The following ITGA2 variants were observed in gnomAD, a reference collection of about 807,000 sequenced individuals.
ITGA2 encodes integrin subunit alpha 2, also known as integrin alpha-2.
Under a neutral mutation model 146.3 loss-of-function variants are expected in ITGA2, and 101 were observed. That is an observed-to-expected ratio of 0.69 (90% CI 0.59 to 0.81). The LOEUF (loss-of-function observed/expected upper bound fraction) is 0.81, where lower values mean the gene tolerates loss of function less well. ITGA2 is among the 40% of genes least tolerant of loss of function. The pLI is 0.00. For synonymous variants in ITGA2, 477 were observed against 487.1 expected (o/e 0.98, Z 0.27); for missense variants, 1,281 against 1,402.7 (o/e 0.91, Z 1.39).
intron 1 of ITGA2, among the ~76,000 whole-genome samples, chr5:53,018,497 C>A (rs1295124562): frequency 6.6e-6 from 1 of 151,662 alleles, no homozygotes; most frequent in Non-Finnish European, 1.5e-5. Flanking sequence ...GCTTTCTCCC[C>A]CTTCAGCCCA....
rs1745068148 is a variant in ITGA2 at position 53,064,796 on chromosome 5, C to T, written c.1603-116C>T. On this transcript the variant is annotated intron_variant, in intron 13 of 29. Transcript: ENST00000296585. Reference sequence around the variant, plus strand: ...CTGGCTTCAAGTAGTCCTTCTGCCTCAGCCTCTGGAGTCTTTGGGATTACA... The same window carrying T: ...CTGGCTTCAAGTAGTCCTTCTGCCTTAGCCTCTGGAGTCTTTGGGATTACA... 16 of 944,306 alleles carry T rather than the reference C, an allele frequency of 1.7e-5. No homozygotes were observed. In the East Asian group the frequency reaches 3.9e-4, roughly 23 times the overall value. The allele number at this position is 944,306 out of a possible 1,614,324, so 58.5% of individuals were successfully genotyped here. A position where few individuals can be genotyped will look rare whatever the true frequency, so the allele number is the denominator to read the frequency against.
Position 53,042,197 on chromosome 5 carries a change from A to G in ITGA2, c.271A>G (p.Thr91Ala). 6.2e-7 allele frequency: 1 copy of G among 1,612,080 alleles called. No individual in the cohort carries two copies. Among genetic ancestry groups the G allele is most frequent in the South Asian group, 1.1e-5 (1 of 91,058 alleles). ...ATGTCCTGTTGACCTATCCACTGCC[A>G]CATGTGAAAAACTAAATTTGCAAAG... ...YKCPVDLSTA[T>A]CEKLNLQTST... The change falls in exon 3 of 30, where the codon ACA (threonine) becomes GCA (alanine). Residue 91 changes from threonine (T) to alanine (A), a missense_variant. Physicochemically the swap from Thr to Ala is moderately conservative, Grantham distance 58. Transcript: ENST00000296585.
chr5:53,069,274 A>G (rs1327086667), intron 16 of ITGA2, among the ~76,000 whole-genome samples: 1 of 151,924 alleles, frequency 6.6e-6, no homozygotes, highest in Non-Finnish European at 1.5e-5. Flanking sequence ...GACATCGGCT[A>G]CTGACATCAG....
At chr5:53,073,645 C>T (rs1745507344) in intron 20 of ITGA2, among the ~76,000 whole-genome samples, 1 of 151,812 alleles carries the variant, frequency 6.6e-6, no homozygotes, top group South Asian at 2.1e-4. Flanking sequence ...ATGATGCACG[C>T]CAGCAAAGCC....
chr5:53,081,912 A>G (rs1745942208), intron 26 of ITGA2, among the ~76,000 whole-genome samples: 1 of 152,226 alleles, frequency 6.6e-6, no homozygotes. Context: ...TATGTGGTCA[A>G]ATCTAGGTTA....
At chr5:53,007,163 G>A (rs1334746187) in intron 1 of ITGA2, among the ~76,000 whole-genome samples, 3 of 152,178 alleles carry the variant, frequency 2.0e-5, no homozygotes, top group Non-Finnish European at 4.4e-5. Flanking sequence ...ATATAGAGCA[G>A]AGCCCCAAAC....
chr5:53,022,219 T>TGGG (rs138975565), intron 1 of ITGA2, among the ~76,000 whole-genome samples: 2 of 150,774 alleles, frequency 1.3e-5, no homozygotes, highest in South Asian at 2.1e-4. Flanking sequence ...TTTTTTTTTT[T>TGGG]GGGGGACAGG....
rs3212555 is a variant in ITGA2 at position 53,065,835 on chromosome 5, T to C, written c.1807-6T>C. ...CTATAATTTCGTGTCAAACCTGCTC[T>C]TTTAGAAAATCTTGGGATCCGATGG... On this transcript the variant is annotated splice_region_variant and splice_polypyrimidine_tract_variant and intron_variant, in intron 14 of 29. Coordinates refer to ENST00000296585, the MANE Select transcript of ITGA2 (RefSeq NM_002203.4). 7,980 of 1,611,764 alleles carry C rather than the reference T, an allele frequency of 5.0e-3. 28 individuals carry two copies. The highest frequency in any genetic ancestry group is 6.4e-3 in the Non-Finnish European group (7,508 of 1,178,496).
chr5:53,012,031 G>A (rs977480366), intron 1 of ITGA2, among the ~76,000 whole-genome samples: 1 of 152,130 alleles, frequency 6.6e-6, no homozygotes, highest in Non-Finnish European at 1.5e-5. Context: ...ATCCTTGGGA[G>A]CAGTAAAGGG....
chr5:53,068,672 A>G (rs139157772), intron 16 of ITGA2, among the ~76,000 whole-genome samples: 1 of 152,006 alleles, frequency 6.6e-6, no homozygotes, highest in African/African-American at 2.4e-5. Context: ...AGACAAGCCA[A>G]GTGAAATGAT....
intron 20 of ITGA2, among the ~76,000 whole-genome samples, chr5:53,073,513 T>A (rs1745501688): frequency 1.3e-5 from 2 of 151,906 alleles, no homozygotes; most frequent in Non-Finnish European, 2.9e-5. Flanking sequence ...CCATAACTCT[T>A]CTTGAGCTAT....
intron 8 of ITGA2, 85 bp downstream of exon 8, chr5:53,055,773 A>G: frequency 2.0e-6 from 3 of 1,492,820 alleles, no homozygotes; most frequent in South Asian, 1.1e-5. Context: ...GCACTTTCCC[A>G]TTGGCTGTTC....
Position 53,090,572 on chromosome 5 carries a change from T to C in ITGA2, c.3519T>C (p.Ile1173=). The C allele has an allele frequency of 6.2e-7, 1 of 1,614,084 alleles. No homozygotes were observed. Among genetic ancestry groups the C allele is most frequent in the Non-Finnish European group, 8.5e-7 (1 of 1,179,990 alleles). Residue 1173 remains isoleucine, a synonymous_variant, in exon 30 of 30, where the codon ATT becomes ATC. Coordinates refer to ENST00000296585, the MANE Select transcript of ITGA2 (RefSeq NM_002203.4). ...AGATGACCAAAAATCCAGATGAGATTGATGAGACCACAGAGCTCAGTAGCT... is the reference window on the plus strand; with the variant it reads ...AGATGACCAAAAATCCAGATGAGATCGATGAGACCACAGAGCTCAGTAGCT... ...YEKMTKNPDE[I]DETTELSS
intron 3 of ITGA2, among the ~76,000 whole-genome samples, chr5:53,043,969 G>A (rs987964353): frequency 6.6e-6 from 1 of 151,884 alleles, no homozygotes; most frequent in African/African-American, 2.4e-5. Flanking sequence ...TGAGGTTGGA[G>A]GCTTGAAAAG....
At chr5:53,061,246 G>A (rs1214801565) in intron 12 of ITGA2, among the ~76,000 whole-genome samples, 200 bp downstream of exon 12, 1 of 151,832 alleles carries the variant, frequency 6.6e-6, no homozygotes, top group African/African-American at 2.4e-5. Flanking sequence ...AACTTACTGG[G>A]AATTTAGCTA....
intron 3 of ITGA2, among the ~76,000 whole-genome samples, chr5:53,042,456 A>T (rs1211377343): frequency 6.6e-6 from 1 of 152,148 alleles, no homozygotes; most frequent in Non-Finnish European, 1.5e-5. Context: ...TAGACCATGG[A>T]CTGGTTTCCA....
intron 2 of ITGA2, among the ~76,000 whole-genome samples, chr5:53,027,548 G>A (rs1743010357): frequency 6.6e-6 from 1 of 152,204 alleles, no homozygotes; most frequent in South Asian, 2.1e-4. Context: ...ACTAATGCAA[G>A]TGAACCCAGA....
chr5:53,029,014 G>T (rs1319438303), intron 2 of ITGA2, among the ~76,000 whole-genome samples: 2 of 152,196 alleles, frequency 1.3e-5, no homozygotes, highest in Non-Finnish European at 2.9e-5. Context: ...GCTCATACCT[G>T]TAATTCCAGC....
intron 2 of ITGA2, among the ~76,000 whole-genome samples, chr5:53,041,244 G>A (rs1009896254): frequency 4.6e-5 from 7 of 152,104 alleles, no homozygotes; most frequent in Non-Finnish European, 8.8e-5. Context: ...GTGGTTCTAA[G>A]TGTCAGGTGA....
Sources: gnomAD v4.1 joint callset for allele counts (sites outside exome capture counted in the v4.1 genomes callset) on GRCh38, gnomAD v4.1.1 for gene constraint, MANE v1.5 for transcripts, NCBI Gene and HGNC (gene_info 2026-07-23, HGNC 2026-07-21) for gene names.